The following MME variants were observed in gnomAD, a reference collection of about 807,000 sequenced individuals.
The protein encoded by MME is membrane metalloendopeptidase.
Under a neutral mutation model 113.2 loss-of-function variants are expected in MME, and 98 were observed. The ratio of observed to expected loss-of-function variants is 0.87; its 90% confidence interval spans 0.74 to 1.02. The LOEUF is 1.02. Ranked by LOEUF, MME falls within the 50% of genes least tolerant of loss-of-function variation. The pLI, the probability that MME is intolerant of heterozygous loss-of-function variation, is 0.00. For missense variants in MME, 836 were observed against 896.0 expected, an observed-to-expected ratio of 0.93 and a Z score of 0.86; for synonymous variants, 292 against 300.6, an observed-to-expected ratio of 0.97 and a Z score of 0.30.
intron 9 of MME, 79 bp downstream of exon 9, chr3:155,138,315 A>G (rs61758188): frequency 1.6e-5 from 24 of 1,455,022 alleles, no homozygotes; most frequent in Non-Finnish European, 2.1e-5. Flanking sequence ...ATACTTTAAG[A>G]GTAAAAGGTA....
chr3:155,026,199 G>C (rs1712779743), intron 1 of MME, among the ~76,000 whole-genome samples: 1 of 151,788 alleles, frequency 6.6e-6, no homozygotes, highest in Admixed American at 6.6e-5. Context: ...GGGGTAGGGG[G>C]GTGGGTGGAG....
At chr3:155,178,429 G>T (rs77294446) in intron 22 of MME, among the ~76,000 whole-genome samples, 270 of 152,220 alleles carry the variant, frequency 1.8e-3, no homozygotes, top group African/African-American at 6.3e-3. Context: ...TTCTCTTCCA[G>T]TTGGTCCATA....
chr3:155,069,579 C>A (rs1714490006), intron 1 of MME, among the ~76,000 whole-genome samples: 1 of 152,150 alleles, frequency 6.6e-6, no homozygotes, highest in South Asian at 2.1e-4. Flanking sequence ...TTATTCGTAT[C>A]ATTCCTTGTT....
chr3:155,041,709 G>A (rs1713324923), intron 1 of MME, among the ~76,000 whole-genome samples: 1 of 152,104 alleles, frequency 6.6e-6, no homozygotes, highest in Non-Finnish European at 1.5e-5. Flanking sequence ...AGTGCACAAT[G>A]AAGTGGCTTA....
rs761195941 is a variant in MME at position 155,166,981 on chromosome 3, G to A, written c.1740G>A (p.Met580Ile). Residue 580 changes from methionine to isoleucine, a missense_variant, in exon 18 of 23, where the codon ATG (methionine) becomes ATA (isoleucine). Transcript: ENST00000360490. ...CATTGAACTATGGGGGCATCGGCAT[G>A]GTCATAGGACACGAAATCACCCATG... ...SNSLNYGGIG[M>I]VIGHEITHGF... 1.9e-6 allele frequency: 3 copies of A among 1,613,756 alleles called. No homozygotes were observed. Among genetic ancestry groups the A allele is most frequent in the South Asian group, 2.2e-5 (2 of 91,082 alleles).
chr3:155,094,816 A>G (rs1368937502), intron 3 of MME, among the ~76,000 whole-genome samples: 2 of 152,232 alleles, frequency 1.3e-5, no homozygotes, highest in African/African-American at 2.4e-5. Flanking sequence ...CACCCTTGCC[A>G]GTACCCCTTT....
At chr3:155,104,208 G>A (rs1036123143) in intron 3 of MME, among the ~76,000 whole-genome samples, 2 of 152,048 alleles carry the variant, frequency 1.3e-5, no homozygotes, top group Non-Finnish European at 1.5e-5. Flanking sequence ...TATAGAGGCC[G>A]TCAATATTTG....
chr3:155,059,583 C>T (rs1714068378), intron 1 of MME, among the ~76,000 whole-genome samples: 1 of 152,014 alleles, frequency 6.6e-6, no homozygotes, highest in Non-Finnish European at 1.5e-5. Flanking sequence ...CTATTAACCA[C>T]TATATTTTAT....
At chr3:155,172,421 G>A in intron 21 of MME, 115 bp from the exon 22 acceptor site, 1 of 898,748 alleles carries the variant, frequency 1.1e-6, no homozygotes, top group Non-Finnish European at 1.9e-6. Flanking sequence ...AAGAGCGAAT[G>A]GTTGAGGAAT....
At chr3:155,164,143 CA>C (rs34922274) in intron 17 of MME, among the ~76,000 whole-genome samples, 2,477 of 90,012 alleles carry the variant, frequency 0.028, 23 homozygotes, top group African/African-American at 0.05. Flanking sequence ...GACCCTGTTT[CA>C]AAAAAAAAAA....
rs549548021 is a variant in MME at position 155,096,881 on chromosome 3, G to A, written c.196+11787G>A. The stretch of plus-strand genomic sequence containing the variant: ...TTACAGGCATGCACCACCACACCCC[G>A]TTAAGTTTTGTAATTTTCTGTAGAG... On this transcript the variant is annotated intron_variant, in intron 3 of 22. Coordinates refer to ENST00000360490, the MANE Select transcript of MME (RefSeq NM_007289.4). 2.7e-3 allele frequency among the ~76,000 whole-genome samples: 411 copies of A among 152,158 alleles called. 4 individuals carry two copies. Among genetic ancestry groups the A allele is most frequent in the African/African-American group, 9.3e-3 (388 of 41,508 alleles).
At chr3:155,147,810 G>A (rs190313927) in intron 15 of MME, among the ~76,000 whole-genome samples, 1 of 152,272 alleles carries the variant, frequency 6.6e-6, no homozygotes, top group African/African-American at 2.4e-5. Flanking sequence ...ATGACAGCGA[G>A]GTGATCCTTG....
chr3:155,076,042 A>C (rs1389075521), upstream of MME, among the ~76,000 whole-genome samples: 1 of 152,204 alleles, frequency 6.6e-6, no homozygotes, highest in African/African-American at 2.4e-5. Context: ...ATTCTCAAGA[A>C]GTTCCTTTGG....
chr3:155,167,986 CT>C (rs1435529779), intron 18 of MME, among the ~76,000 whole-genome samples: 1 of 152,018 alleles, frequency 6.6e-6, no homozygotes, highest in Non-Finnish European at 1.5e-5. Flanking sequence ...GCAATTGGAG[CT>C]CAAAAGGGAG....
Position 155,138,171 on chromosome 3 carries a change from A to G in MME, c.790A>G (p.Ile264Val). ...GATTCGTCAGGAAGAAAGATTGCCC[A>G]TCGATGAAAACCAGCTTGCTTTGGA... is the stretch of plus-strand genomic sequence containing the variant. ...RLIRQEERLP[I>V]DENQLALEMN... is the part of the protein sequence containing the mutation. Residue 264 changes from isoleucine to valine, a missense_variant, in exon 9 of 23, where the codon ATC becomes GTC. By Grantham distance (29) the Ile-to-Val change is conservative. Transcript: ENST00000360490. The G allele has an allele frequency of 6.2e-7, 1 of 1,613,740 alleles. No homozygotes were observed. Among genetic ancestry groups the G allele is most frequent in the Non-Finnish European group, 8.5e-7 (1 of 1,179,732 alleles).
intron 1 of MME, chr3:155,080,912 A>C (rs771675052): frequency 3.3e-5 from 5 of 152,126 alleles, no homozygotes; most frequent in Non-Finnish European, 5.9e-5. Context: ...GGGTTCTAGC[A>C]CTTTAAAAAA....
At chr3:155,133,039 TAAAAA>T (rs796968290) in intron 8 of MME, among the ~76,000 whole-genome samples, 9 of 48,022 alleles carry the variant, frequency 1.9e-4, no homozygotes, top group African/African-American at 5.4e-4. Flanking sequence ...AAACCCCGTC[TAAAAA>T]AAAAAAAAAA....
intron 1 of MME, among the ~76,000 whole-genome samples, chr3:155,054,281 C>CT (rs1713855732): frequency 6.6e-6 from 1 of 151,956 alleles, no homozygotes; most frequent in East Asian, 1.9e-4. Flanking sequence ...TATGCCATTC[C>CT]TTTTTCCTTT....
intron 8 of MME, 80 bp from the exon 9 acceptor site, chr3:155,138,022 T>C (rs778858978): frequency 1.1e-4 from 164 of 1,509,224 alleles, no homozygotes; most frequent in Non-Finnish European, 1.4e-4. Context: ...AAAATTAATA[T>C]TGAAATGAAA....
Sources: allele counts gnomAD v4.1 joint callset (sites outside exome capture counted in the v4.1 genomes callset), GRCh38; gene constraint gnomAD v4.1.1; transcripts MANE v1.5; gene names NCBI Gene and HGNC (gene_info 2026-07-23, HGNC 2026-07-21).